FBXL2: variants seen among roughly 807,000 people sequenced by gnomAD.
FBXL2 encodes F-box/LRR-repeat protein 2.
In FBXL2, 38 loss-of-function variants were observed where a neutral mutation model predicts 69.2. The ratio of observed to expected loss-of-function variants is 0.55; its 90% CI spans 0.42 to 0.72. The LOEUF (loss-of-function observed/expected upper bound fraction) is 0.72. Ranked by LOEUF, FBXL2 falls within the 30% of genes least tolerant of loss-of-function variation. The pLI is 0.00. For missense variants in FBXL2, 354 were observed against 520.3 expected, an observed-to-expected ratio of 0.68 and a Z score of 3.11; for synonymous variants, 192 against 201.3, an observed-to-expected ratio of 0.95 and a Z score of 0.39.
At chr3:33,324,853 G>A (rs567705348) in intron 2 of FBXL2, among the ~76,000 whole-genome samples, 49 of 152,238 alleles carry the variant, frequency 3.2e-4, no homozygotes, top group African/African-American at 1.1e-3. Context: ...GTCAGTGGTG[G>A]CTTCATGGGG....
At chr3:33,390,264 A>C (rs1434813454), downstream of FBXL2, 1 of 1,489,866 alleles carries the variant, frequency 6.7e-7, no homozygotes, top group Non-Finnish European at 9.3e-7. Context: ...GACTTCTTGG[A>C]TTCAGTCTTC....
chr3:33,334,323 AGAGAT>A (rs1225684690), intron 2 of FBXL2, among the ~76,000 whole-genome samples: 18 of 152,344 alleles, frequency 1.2e-4, no homozygotes, highest in African/African-American at 4.3e-4. Flanking sequence ...TAAGGATTGA[AGAGAT>A]GAGATATTTC....
At position 33,373,147 on chromosome 3, in the gene FBXL2, A is replaced by G; in HGVS notation, c.346A>G (p.Lys116Glu). Residue 116 changes from lysine to glutamate, a missense_variant, in exon 6 of 15, where the codon AAA becomes GAA. Transcript: ENST00000484457. ...ACATTTGAACCTCAATGGATGCACA[A>G]AAATCACTGACAGGTAAGTAATGAA... Reference protein sequence around the residue: ...IEHLNLNGCTKITDSTCYSLS... With the variant: ...IEHLNLNGCTEITDSTCYSLS... 1 of 1,614,184 alleles carries G rather than the reference A, an allele frequency of 6.2e-7. No homozygotes were observed. Among genetic ancestry groups the G allele is most frequent in the South Asian group, 1.1e-5 (1 of 91,088 alleles).
chr3:33,402,677 A>C (rs1039343886), intron 12 of FBXL2: 112 of 624,568 alleles, frequency 1.8e-4, no homozygotes, highest in Non-Finnish European at 2.7e-4. Flanking sequence ...GATACAGGAT[A>C]CTTCCCCTTA....
chr3:33,287,628 A>G (rs1461866565), intron 1 of FBXL2, among the ~76,000 whole-genome samples: 2 of 152,174 alleles, frequency 1.3e-5, no homozygotes, highest in African/African-American at 2.4e-5. Flanking sequence ...GATGTGAGGC[A>G]CTGCACCCAG....
At chr3:33,341,881 G>T in intron 2 of FBXL2, among the ~76,000 whole-genome samples, 1 of 150,978 alleles carries the variant, frequency 6.6e-6, no homozygotes, top group African/African-American at 2.4e-5. Context: ...CTGGGGCTCT[G>T]GGGTTGCTGA....
chr3:33,299,276 A>G (rs1271605317), intron 2 of FBXL2, among the ~76,000 whole-genome samples: 2 of 152,076 alleles, frequency 1.3e-5, no homozygotes, highest in Admixed American at 1.3e-4. Context: ...TCCTGATCTC[A>G]GGTAATCCGC....
rs1037163954 is a variant in FBXL2, at chr3:33,385,556, C to G, written c.1220C>G (p.Thr407Arg). 1.9e-6 allele frequency: 3 copies of G among 1,614,034 alleles called. No homozygotes were observed. The African/African-American group carries it at 4.0e-5, about 22-fold the overall frequency. The change falls in exon 15 of 15, where the codon ACA becomes AGA. Residue 407 changes from threonine to arginine, a missense_variant. Coordinates refer to ENST00000484457, the MANE Select transcript of FBXL2 (RefSeq NM_012157.5). ...TACTTTGCTCCCGTCACCCCACCGACAGCAGTGGCAGGAAGTGGACAGCGA... is the reference window on the plus strand; with the variant it reads ...TACTTTGCTCCCGTCACCCCACCGAGAGCAGTGGCAGGAAGTGGACAGCGA... ...HAYFAPVTPP[T>R]AVAGSGQRLC...
intron 2 of FBXL2, among the ~76,000 whole-genome samples, chr3:33,357,729 C>G (rs910327371): frequency 1.3e-5 from 2 of 152,062 alleles, no homozygotes; most frequent in African/African-American, 4.8e-5. Context: ...TGGGGTTTCA[C>G]CGTGTTAGCC....
chr3:33,379,407 T>C (rs2042865840), intron 13 of FBXL2, among the ~76,000 whole-genome samples: 1 of 152,176 alleles, frequency 6.6e-6, no homozygotes, highest in Admixed American at 6.5e-5. Flanking sequence ...CAGGCTGGAC[T>C]GCAGTGGCGC....
chr3:33,344,104 A>T (rs1248566702), intron 2 of FBXL2, among the ~76,000 whole-genome samples: 2 of 151,904 alleles, frequency 1.3e-5, no homozygotes, highest in African/African-American at 4.8e-5. Context: ...GATAACACTC[A>T]TAATACAAAA....
chr3:33,371,338 T>C (rs1438752679), intron 5 of FBXL2, among the ~76,000 whole-genome samples: 1 of 150,956 alleles, frequency 6.6e-6, no homozygotes, highest in Non-Finnish European at 1.5e-5. Context: ...TAATTTTTTT[T>C]TTTTTTTTTT....
At chr3:33,390,323 A>G (rs759759657), downstream of FBXL2, 24 of 1,613,748 alleles carry the variant, frequency 1.5e-5, no homozygotes, top group African/African-American at 4.0e-5. Context: ...TTCAGTCTAT[A>G]TAAGACATCA....
chr3:33,402,934 A>G, intron 12 of FBXL2: 1 of 1,532,588 alleles, frequency 6.5e-7, no homozygotes, highest in East Asian at 2.3e-5. Flanking sequence ...TAAATTAGTG[A>G]TATGCTTTTA....
At chr3:33,310,130 T>C (rs1332114866) in intron 2 of FBXL2, among the ~76,000 whole-genome samples, 1 of 152,142 alleles carries the variant, frequency 6.6e-6, no homozygotes, top group East Asian at 1.9e-4. Flanking sequence ...TAGCTATATT[T>C]ATTTTTAATA....
At chr3:33,413,044 T>C in the FBXL2 span, among the ~76,000 whole-genome samples, 2 of 152,138 alleles carry the variant, frequency 1.3e-5, no homozygotes, top group Non-Finnish European at 2.9e-5. Context: ...AAATTATAAA[T>C]AAAATGGTAA....
chr3:33,336,730 C>T (rs1380794763), intron 2 of FBXL2, among the ~76,000 whole-genome samples: 1 of 151,632 alleles, frequency 6.6e-6, no homozygotes, highest in East Asian at 1.9e-4. Flanking sequence ...TATGGTGAAA[C>T]TCCATCTCTA....
In FBXL2 at chr3:33,368,130, A is replaced by G. The variant is rs72852029; in HGVS notation, c.290+3411A>G. ...TTGTTTTGTGGCCAGTAATATGGCCAGTCTTGGCAAGTGTCCCATGTGCAC... is the reference window on the plus strand; with the variant it reads ...TTGTTTTGTGGCCAGTAATATGGCCGGTCTTGGCAAGTGTCCCATGTGCAC... On this transcript the variant is annotated intron_variant, in intron 5 of 14. Transcript: ENST00000484457. Among the ~76,000 whole-genome samples the G allele has an allele frequency of 9.2e-3, 1,406 of 152,320 alleles. 23 individuals carry two copies. The highest frequency in any genetic ancestry group is 0.033 in the African/African-American group (1,351 of 41,564).
chr3:33,283,586 T>G (rs1392082320), intron 1 of FBXL2, among the ~76,000 whole-genome samples: 1 of 152,198 alleles, frequency 6.6e-6, no homozygotes, highest in African/African-American at 2.4e-5. Context: ...GAGGATACCC[T>G]CTTTTTCTAT....
Sources: allele counts gnomAD v4.1 joint callset (sites outside exome capture counted in the v4.1 genomes callset), GRCh38; gene constraint gnomAD v4.1.1; transcripts MANE v1.5; gene names NCBI Gene and HGNC (gene_info 2026-07-23, HGNC 2026-07-21).